CIB2: variants seen among roughly 807,000 people sequenced by gnomAD.
CIB2 encodes calcium and integrin binding family member 2.
Under a neutral mutation model 23.1 loss-of-function variants are expected in CIB2, and 19 were observed. The ratio of observed to expected loss-of-function variants is 0.82; its 90% confidence interval spans 0.57 to 1.21. The LOEUF (loss-of-function observed/expected upper bound fraction) is 1.21, where lower values mean the gene tolerates loss of function less well. Ranked by LOEUF, CIB2 falls within the 50% of genes most tolerant of loss-of-function variation. The probability of loss-of-function intolerance (pLI) is 0.00; values close to 1 mark genes in which losing one functional copy is unlikely to be tolerated. For synonymous variants in CIB2, 94 were observed against 91.7 expected (o/e 1.03, Z -0.14); for missense variants, 220 against 241.5 (o/e 0.91, Z 0.59).
chr15:78,108,128 C>T (rs1277181651), intron 4 of CIB2, among the ~76,000 whole-genome samples: 3 of 148,836 alleles, frequency 2.0e-5, no homozygotes, highest in Non-Finnish European at 4.5e-5. Flanking sequence ...CGCTTGAACC[C>T]GGGAGGCAGA....
intron 2 of CIB2, among the ~76,000 whole-genome samples, chr15:78,118,378 G>T (rs1038294750): frequency 1.3e-5 from 2 of 152,018 alleles, no homozygotes; most frequent in South Asian, 4.1e-4. Context: ...AGATCATGAG[G>T]TCAGGAGTTT....
intron 2 of CIB2, among the ~76,000 whole-genome samples, chr15:78,123,441 A>G (rs1019296407): frequency 3.9e-5 from 6 of 152,202 alleles, no homozygotes; most frequent in East Asian, 1.9e-4. Context: ...TGAGGATTAA[A>G]TAAGAATGTG....
At chr15:78,116,002 GA>G (rs111776723) in intron 2 of CIB2, among the ~76,000 whole-genome samples, 3 of 148,582 alleles carry the variant, frequency 2.0e-5, no homozygotes, top group South Asian at 2.1e-4. Context: ...AAAATATTTG[GA>G]AAAAAAAAAT....
chr15:78,126,045 G>A (rs2074376403), intron 1 of CIB2, among the ~76,000 whole-genome samples: 1 of 152,060 alleles, frequency 6.6e-6, no homozygotes, highest in African/African-American at 2.4e-5. Context: ...TGGGCAACTT[G>A]AGACTCAGCA....
Position 78,115,676 on chromosome 15 carries a change from CTTTTTTTTTTTTTTTTTT to C in CIB2, c.87-4418_87-4401del, listed in dbSNP as rs56754406. Among the ~76,000 whole-genome samples the C allele has an allele frequency of 4.2e-5, 3 of 71,316 alleles. No individual in the cohort carries two copies. In the South Asian group the frequency reaches 1.9e-3, roughly 45 times the overall value. The allele number at this position is 71,316 out of a possible 152,430, so 46.8% of individuals were successfully genotyped here. A position where few individuals can be genotyped will look rare whatever the true frequency, so the allele number is the denominator to read the frequency against. ...CAGAAACAAAAGGGTATCTCCTTCT[CTTTTTTTTTTTTTTTTTT>C]TTTTTTTGAGTCTTGCACTGTCACC... On this transcript the variant is annotated intron_variant, in intron 2 of 5. Transcript: ENST00000258930.
chr15:78,117,741 A>G (rs1295296438), intron 2 of CIB2, among the ~76,000 whole-genome samples: 1 of 152,240 alleles, frequency 6.6e-6, no homozygotes, highest in East Asian at 1.9e-4. Context: ...TCCGTTCTAA[A>G]GAGTTCCCAC....
intron 1 of CIB2, among the ~76,000 whole-genome samples, chr15:78,128,567 C>T (rs1161317298): frequency 6.6e-6 from 1 of 152,000 alleles, no homozygotes; most frequent in African/African-American, 2.4e-5. Context: ...ATCCCAGCTA[C>T]TTGGGAGGCT....
rs146274871 is a variant in CIB2 at position 78,105,929 on chromosome 15, T to C, written c.352A>G (p.Asn118Asp). 2.7e-5 allele frequency: 43 copies of C among 1,613,946 alleles called. No individual in the cohort carries two copies. The highest frequency in any genetic ancestry group is 1.7e-5 in the Admixed American group (1 of 60,008). ...ANYAFKIYDF[N>D]TDNFICKEDL... ...TCCTTGCAGATGAAGTTGTCAGTGT[T>C]GAAGTCTGTAGGGCAGGGGTTGGAC... The change falls in exon 5 of 6, where the codon AAC becomes GAC. Residue 118 changes from asparagine to aspartate, a missense_variant. Transcript: ENST00000258930.
Position 78,127,426 on chromosome 15 carries a change from C to A in CIB2, c.52-3687G>T, listed in dbSNP as rs550695932. Among the ~76,000 whole-genome samples the A allele has an allele frequency of 2.2e-4, 33 of 152,224 alleles. No individual in the cohort carries two copies. In the South Asian group the frequency reaches 6.0e-3, roughly 28 times the overall value. On this transcript the variant is annotated intron_variant, in intron 1 of 5. Coordinates refer to ENST00000258930, the MANE Select transcript of CIB2 (RefSeq NM_006383.4). Reference sequence around the variant, plus strand: ...GGAGGGAAGGAGAGAGGGGGCCTAACCCAGGAGTGATGGGCTCTCAGAACA... The same window carrying A: ...GGAGGGAAGGAGAGAGGGGGCCTAAACCAGGAGTGATGGGCTCTCAGAACA...
chr15:78,109,712 T>G (rs1300409415), intron 3 of CIB2, among the ~76,000 whole-genome samples: 2 of 143,168 alleles, frequency 1.4e-5, no homozygotes, highest in Non-Finnish European at 3.0e-5. Context: ...GAGACTGAGG[T>G]GGAGGAATCA....
At position 78,109,359 on chromosome 15, in the gene CIB2, G is replaced by T; in HGVS notation, c.222C>A (p.Ile74=). ...ELRENPFKER[I]VAAFSEDGEG... is the part of the protein sequence containing the mutation. ...CACCATCCTCGGAAAACGCCGCCAC[G>T]ATCCTTTCTTTGAAGGGATTCTCCT... Residue 74 remains isoleucine, a synonymous_variant, in exon 4 of 6, where the codon ATC becomes ATA. Coordinates refer to ENST00000258930, the MANE Select transcript of CIB2 (RefSeq NM_006383.4). The T allele has an allele frequency of 6.2e-7, 1 of 1,614,062 alleles. No individual in the cohort carries two copies. The highest frequency in any genetic ancestry group is 8.5e-7 in the Non-Finnish European group (1 of 1,180,038).
chr15:78,109,781 T>G (rs1313950295), intron 3 of CIB2, among the ~76,000 whole-genome samples: 1 of 121,672 alleles, frequency 8.2e-6, no homozygotes, highest in African/African-American at 3.3e-5. Flanking sequence ...CACTCCAGCC[T>G]GGGCGACAGA....
At chr15:78,112,047 C>A (rs1177262251) in intron 2 of CIB2, among the ~76,000 whole-genome samples, 1 of 152,154 alleles carries the variant, frequency 6.6e-6, no homozygotes, top group African/African-American at 2.4e-5. Context: ...ACTGATGGGT[C>A]AGGTCCCTAG....
At chr15:78,105,524 C>G in intron 5 of CIB2, 192 bp from the exon 6 acceptor site, 4 of 1,482,972 alleles carry the variant, frequency 2.7e-6, no homozygotes, top group South Asian at 2.7e-5. Context: ...GTTCTGCCCC[C>G]ACTTATCACT....
Position 78,105,719 on chromosome 15 carries a change from G to A in CIB2, c.542+20C>T, listed in dbSNP as rs779956169. 30 of 1,613,576 alleles carry A rather than the reference G, an allele frequency of 1.9e-5. No individual in the cohort carries two copies. Among genetic ancestry groups the A allele is most frequent in the South Asian group, 1.4e-4 (13 of 91,084 alleles). Reference sequence around the variant, plus strand: ...GCCCTGCTCTGCCCTGCCCAAGCCCGGCCCCTGTAGTGGCAGCACCTGAGG... The same window carrying A: ...GCCCTGCTCTGCCCTGCCCAAGCCCAGCCCCTGTAGTGGCAGCACCTGAGG... On this transcript the variant is annotated intron_variant, in intron 5 of 5. Transcript: ENST00000258930.
At chr15:78,126,764 A>G (rs539790673) in intron 1 of CIB2, among the ~76,000 whole-genome samples, 7 of 152,258 alleles carry the variant, frequency 4.6e-5, no homozygotes, top group African/African-American at 1.4e-4. Context: ...AGTAACACCT[A>G]TTTCTTGGTT....
At chr15:78,115,604 T>G (rs907865170) in intron 2 of CIB2, among the ~76,000 whole-genome samples, 1 of 151,492 alleles carries the variant, frequency 6.6e-6, no homozygotes, top group Admixed American at 6.6e-5. Flanking sequence ...TTAAAAAAAC[T>G]TAAAATTCTT....
intron 1 of CIB2, among the ~76,000 whole-genome samples, chr15:78,128,607 GGCGGAGCTGGGAT>G (rs1243497715): frequency 6.6e-6 from 1 of 152,034 alleles, no homozygotes; most frequent in African/African-American, 2.4e-5. Flanking sequence ...GAACCTGGGA[GGCGGAGCTGGGAT>G]GCGGAGGTTG....
chr15:78,117,085 A>G (rs532575755), intron 2 of CIB2, among the ~76,000 whole-genome samples: 1 of 151,736 alleles, frequency 6.6e-6, no homozygotes, highest in African/African-American at 2.4e-5. Flanking sequence ...ACTATTGTGC[A>G]TTCCTGATCG....
Sources: gnomAD v4.1 joint callset for allele counts (sites outside exome capture counted in the v4.1 genomes callset) on GRCh38, gnomAD v4.1.1 for gene constraint, MANE v1.5 for transcripts, NCBI Gene and HGNC (gene_info 2026-07-23, HGNC 2026-07-21) for gene names.